The following NDUFS1 variants were observed in gnomAD, a reference collection of about 807,000 sequenced individuals.
NDUFS1 encodes NADH:ubiquinone oxidoreductase core subunit S1.
Under a neutral mutation model 84.4 loss-of-function variants are expected in NDUFS1, and 61 were observed. That is an observed-to-expected ratio of 0.72 (90% CI 0.59 to 0.89). The LOEUF (loss-of-function observed/expected upper bound fraction) is 0.89. Among genes scored for constraint, NDUFS1 ranks in the 40% least tolerant of loss-of-function variants. The pLI is 0.00. For synonymous variants in NDUFS1, 275 were observed against 290.0 expected, an observed-to-expected ratio of 0.95 and a Z score of 0.53; for missense variants, 891 against 890.0, an observed-to-expected ratio of 1.00 and a Z score of -0.01.
chr2:206,136,441 T>TG (rs1332926251), intron 13 of NDUFS1, among the ~76,000 whole-genome samples: 3 of 149,232 alleles, frequency 2.0e-5, no homozygotes, highest in African/African-American at 2.5e-5. Flanking sequence ...TTTTTTTGTT[T>TG]TTTTTTTTTT....
intron 9 of NDUFS1, 33 bp downstream of exon 9, chr2:206,144,859 T>C (rs771283874): frequency 1.9e-6 from 3 of 1,604,240 alleles, no homozygotes; most frequent in South Asian, 2.2e-5. Flanking sequence ...TTAAATAAAC[T>C]GTAAAAGTTA....
intron 16 of NDUFS1, among the ~76,000 whole-genome samples, chr2:206,127,409 C>A (rs1041594459): frequency 6.6e-6 from 1 of 152,134 alleles, no homozygotes; most frequent in Non-Finnish European, 1.5e-5. Flanking sequence ...GTGGTACATG[C>A]GTGTAATCCC....
chr2:206,133,579 T>C (rs1559047841), intron 13 of NDUFS1, among the ~76,000 whole-genome samples: 1 of 152,176 alleles, frequency 6.6e-6, no homozygotes, highest in Non-Finnish European at 1.5e-5. Flanking sequence ...CCTACAATTT[T>C]AAGGCTTTGT....
At position 206,122,644 on chromosome 2, in the gene NDUFS1, A is replaced by AAAAAAAAAAAC. The variant is rs1691136085; in HGVS notation, c.*1540_*1541insGTTTTTTTTTT. 6.6e-6 allele frequency: 1 copy of AAAAAAAAAAAC among 151,506 alleles called. No homozygotes were observed. The highest frequency in any genetic ancestry group is 1.5e-5 in the Non-Finnish European group (1 of 67,918). 9.4% of individuals were successfully genotyped at this position (151,506 alleles called of 1,614,324 possible). A position where few individuals can be genotyped will look rare whatever the true frequency, so the allele number is the denominator to read the frequency against. The stretch of plus-strand genomic sequence containing the variant: ...GACTCCATCTCAAAAAAAAAAAAAA[A>AAAAAAAAAAAC]ACAAAGGGAAAAAGGGCATCCTATA... On this transcript the variant is annotated 3_prime_UTR_variant, in exon 19 of 19. Transcript: ENST00000233190.
intron 9 of NDUFS1, 115 bp from the exon 10 acceptor site, chr2:206,144,247 T>C: frequency 4.0e-6 from 3 of 754,202 alleles, no homozygotes; most frequent in Non-Finnish European, 7.0e-6. Context: ...GTGTCAAATA[T>C]CTAAACACCT....
At chr2:206,153,586 A>T (rs1312174112) in intron 2 of NDUFS1, 32 bp downstream of exon 2, 1 of 1,293,746 alleles carries the variant, frequency 7.7e-7, no homozygotes, top group Non-Finnish European at 1.1e-6. Flanking sequence ...AAGGTCTAAT[A>T]TCCACGAATG....
intron 18 of NDUFS1, 85 bp from the exon 19 acceptor site, chr2:206,124,361 G>C: frequency 9.9e-7 from 1 of 1,010,006 alleles, no homozygotes; most frequent in Non-Finnish European, 1.6e-6. Context: ...ACATATTCAG[G>C]AGGAAAAAAG....
chr2:206,146,467 A>T (rs904146305), intron 8 of NDUFS1, among the ~76,000 whole-genome samples: 10 of 152,208 alleles, frequency 6.6e-5, no homozygotes, highest in African/African-American at 2.4e-4. Flanking sequence ...TTTAATCAGG[A>T]GAATGAGAGA....
chr2:206,133,993 A>G (rs1176479409), intron 13 of NDUFS1, among the ~76,000 whole-genome samples: 1 of 152,166 alleles, frequency 6.6e-6, no homozygotes, highest in Non-Finnish European at 1.5e-5. Flanking sequence ...ACAAAACAAA[A>G]CAAAACGTGT....
Position 206,130,230 on chromosome 2 carries a change from T to C in NDUFS1, c.1566A>G (p.Gln522=). 6.2e-7 allele frequency: 1 copy of C among 1,614,238 alleles called. No individual in the cohort carries two copies. The highest frequency in any genetic ancestry group is 1.1e-5 in the South Asian group (1 of 91,092). Residue 522 remains glutamine (Q), a synonymous_variant, in exon 15 of 19, where the codon CAA becomes CAG. Transcript: ENST00000233190. The stretch of plus-strand genomic sequence containing the variant: ...TATAGCCAAGGTCCAAAGCAGCTAC[T>C]TGACTTGCAATCCTGCAAAGCAATT... ...VMNILHRIAS[Q]VAALDLGYKP... is the part of the protein sequence containing the mutation.
At chr2:206,140,919 T>TAC (rs1691912721) in intron 12 of NDUFS1, among the ~76,000 whole-genome samples, 1 of 105,322 alleles carries the variant, frequency 9.5e-6, no homozygotes, top group African/African-American at 4.7e-5. Flanking sequence ...ATATATGTAG[T>TAC]GTGTATATAT....
At chr2:206,144,849 TTAAA>T (rs1163191530) in intron 9 of NDUFS1, 39 bp downstream of exon 9, 2 of 1,589,928 alleles carry the variant, frequency 1.3e-6, no homozygotes, top group Non-Finnish European at 1.7e-6. Flanking sequence ...AAAATTTCCT[TTAAA>T]TAAACTGTAA....
chr2:206,153,613 C>T lies in NDUFS1; in HGVS notation c.61+5G>A. On this transcript the variant is annotated splice_donor_5th_base_variant and intron_variant, in intron 2 of 18. Coordinates refer to ENST00000233190, the MANE Select transcript of NDUFS1 (RefSeq NM_005006.7). ...CCACGAATGCAAATTTAAGAAAATA[C>T]TCACCACATCCTTTAGGAGACTTAG... 1 of 1,514,896 alleles carries T rather than the reference C, an allele frequency of 6.6e-7. No homozygotes were observed. The highest frequency in any genetic ancestry group is 2.3e-5 in the East Asian group (1 of 44,210). 93.8% of individuals were successfully genotyped at this position (1,514,896 alleles called of 1,614,324 possible). A position where few individuals can be genotyped will look rare whatever the true frequency, so the allele number is the denominator to read the frequency against.
chr2:206,144,662 T>C (rs535604323), intron 9 of NDUFS1, among the ~76,000 whole-genome samples: 9 of 152,288 alleles, frequency 5.9e-5, no homozygotes, highest in African/African-American at 2.2e-4. Flanking sequence ...ATCAATCTAC[T>C]TGAATTTCTC....
chr2:206,133,584 C>T (rs1455303549), intron 13 of NDUFS1, among the ~76,000 whole-genome samples: 1 of 152,162 alleles, frequency 6.6e-6, no homozygotes, highest in African/African-American at 2.4e-5. Flanking sequence ...AATTTTAAGG[C>T]TTTGTTTTAA....
intron 14 of NDUFS1, among the ~76,000 whole-genome samples, chr2:206,131,056 T>G (rs984494785): frequency 6.6e-6 from 1 of 152,208 alleles, no homozygotes; most frequent in Non-Finnish European, 1.5e-5. Flanking sequence ...AGAAGAGGTC[T>G]GGAATAAATA....
In NDUFS1 at chr2:206,119,900, T is replaced by C. The variant is rs1691050342; in HGVS notation, c.*4285A>G. 6.6e-6 allele frequency: 1 copy of C among 152,048 alleles called. No individual in the cohort carries two copies. Among genetic ancestry groups the C allele is most frequent in the African/African-American group, 2.4e-5 (1 of 41,392 alleles). 9.4% of individuals were successfully genotyped at this position (152,048 alleles called of 1,614,324 possible). ...GTCACTTCCAAATCTCATGTTGAAA[T>C]GTAACCCCCAATGCTGGAGGTAGGG... is the stretch of plus-strand genomic sequence containing the variant. On this transcript the variant is annotated 3_prime_UTR_variant, in exon 19 of 19. Coordinates refer to ENST00000233190, the MANE Select transcript of NDUFS1 (RefSeq NM_005006.7).
In NDUFS1 at chr2:206,121,635, T is replaced by C. The variant is rs1428760982; in HGVS notation, c.*2550A>G. 1 of 152,174 alleles carries C rather than the reference T, an allele frequency of 6.6e-6. No individual in the cohort carries two copies. Among genetic ancestry groups the C allele is most frequent in the East Asian group, 1.9e-4 (1 of 5,200 alleles). 9.4% of individuals were successfully genotyped at this position (152,174 alleles called of 1,614,324 possible). On this transcript the variant is annotated 3_prime_UTR_variant, in exon 19 of 19. Coordinates refer to ENST00000233190, the MANE Select transcript of NDUFS1 (RefSeq NM_005006.7). Reference sequence around the variant, plus strand: ...GCCTGGCTAATTTTTGTATTTTTAGTAGAGACAGGGTTTCACCACGTTGGC... The same window carrying C: ...GCCTGGCTAATTTTTGTATTTTTAGCAGAGACAGGGTTTCACCACGTTGGC...
intron 14 of NDUFS1, among the ~76,000 whole-genome samples, chr2:206,131,030 C>T (rs970562095): frequency 1.3e-5 from 2 of 152,092 alleles, no homozygotes; most frequent in East Asian, 1.9e-4. Context: ...CTTATAAGCA[C>T]AAAATAATCT....
Sources: allele counts gnomAD v4.1 joint callset (sites outside exome capture counted in the v4.1 genomes callset), GRCh38; gene constraint gnomAD v4.1.1; transcripts MANE v1.5; gene names NCBI Gene and HGNC (gene_info 2026-07-23, HGNC 2026-07-21).